The following ITGA4 variants were observed in gnomAD, a reference collection of about 807,000 sequenced individuals.
ITGA4 encodes the protein integrin subunit alpha 4.
A neutral mutation model predicts 133.6 loss-of-function variants in ITGA4; 63 were observed. The observed-to-expected ratio is 0.47, with a 90% CI of 0.38 to 0.58. The LOEUF (loss-of-function observed/expected upper bound fraction) is 0.58. Among genes scored for constraint, ITGA4 ranks in the 20% least tolerant of loss-of-function variants. ITGA4 has a pLI of 0.00. For synonymous variants in ITGA4, 483 were observed against 438.0 expected (o/e 1.10, Z -1.28); for missense variants, 1,076 against 1,252.7 (o/e 0.86, Z 2.13).
In ITGA4 at chr2:181,495,911, A is replaced by G. The variant is rs773047862; in HGVS notation, c.1514A>G (p.Lys505Arg). 1 of 1,613,974 alleles carries G rather than the reference A, an allele frequency of 6.2e-7. No homozygotes were observed. The highest frequency in any genetic ancestry group is 1.1e-5 in the South Asian group (1 of 91,044). ...GATCTAACACTTTGTTTCTCATATAAGGGCAAGGAAGTTCCAGGTTACATT... is the reference window on the plus strand; with the variant it reads ...GATCTAACACTTTGTTTCTCATATAGGGGCAAGGAAGTTCCAGGTTACATT... ...CIDLTLCFSY[K>R]GKEVPGYIVL... is the part of the protein sequence containing the mutation. The change falls in exon 14 of 28, where the codon AAG becomes AGG. Residue 505 changes from lysine (K) to arginine (R), a missense_variant. Coordinates refer to ENST00000397033, the MANE Select transcript of ITGA4 (RefSeq NM_000885.6). The surrounding 1 kb of genome is among the most constrained non-coding windows in gnomAD (Gnocchi z 4.3).
At position 181,499,459 on chromosome 2, in the gene ITGA4, G is replaced by T. The variant is rs549050101; in HGVS notation, c.1695+682G>T. Among the ~76,000 whole-genome samples, 32 of 152,162 alleles carry T rather than the reference G, an allele frequency of 2.1e-4. 1 individual carries two copies. Among genetic ancestry groups the T allele is most frequent in the Admixed American group, 2.0e-3 (30 of 15,274 alleles). On this transcript the variant is annotated intron_variant, in intron 15 of 27. Transcript: ENST00000397033. Reference sequence around the variant, plus strand: ...GCTGTGCCAGGTCTTTTTCATTAGGGAACGGTGTACTTCATCAGAAAATCT... The same window carrying T: ...GCTGTGCCAGGTCTTTTTCATTAGGTAACGGTGTACTTCATCAGAAAATCT...
intron 23 of ITGA4, 146 bp from the exon 24 acceptor site, chr2:181,530,378 A>T (rs979831162): frequency 1.4e-6 from 1 of 704,106 alleles, no homozygotes; most frequent in Non-Finnish European, 2.2e-6. Context: ...ATCACTCCCA[A>T]ATCTGTCAAA....
rs1218487936 is a variant in ITGA4, at chr2:181,481,582, C to G, written c.755-16C>G. On this transcript the variant is annotated splice_polypyrimidine_tract_variant and intron_variant, in intron 6 of 27. Transcript: ENST00000397033. ...ACTTTACCCAGGACTCTCATACTTT[C>G]TCCCTTTTCTTAAAGGATATTCAGT... 2.7e-6 allele frequency: 4 copies of G among 1,496,178 alleles called. No individual in the cohort carries two copies. The highest frequency in any genetic ancestry group is 3.4e-5 in the Admixed American group (2 of 58,544). 92.7% of individuals were successfully genotyped at this position (1,496,178 alleles called of 1,614,324 possible).
intron 22 of ITGA4, 124 bp from the exon 23 acceptor site, chr2:181,529,417 C>T (rs1442882742): frequency 1.3e-5 from 6 of 465,276 alleles, no homozygotes; most frequent in South Asian, 4.2e-5. Context: ...CAGCTGCCAA[C>T]CATAAACCTC....
intron 2 of ITGA4, among the ~76,000 whole-genome samples, chr2:181,462,220 TAA>T (rs1457708910): frequency 1.3e-5 from 2 of 152,164 alleles, no homozygotes; most frequent in African/African-American, 4.8e-5. Flanking sequence ...TTTTCTAGAC[TAA>T]GTGTTCTATA....
chr2:181,531,586 T>C (rs1686946470), intron 24 of ITGA4, 71 bp from the exon 25 acceptor site: 1 of 792,578 alleles, frequency 1.3e-6, no homozygotes, highest in African/African-American at 1.8e-5. Flanking sequence ...TATTAAATTC[T>C]ATATAAAATA....
In ITGA4 at chr2:181,480,246, T is replaced by C; in HGVS notation, c.734T>C (p.Val245Ala). ...GCTTTTTTAGACAAACAAAATCAAG[T>C]AAAATTTGGAAGTTATTTAGGTACT... ...YKAFLDKQNQ[V>A]KFGSYLGYSV... Residue 245 changes from valine to alanine, a missense_variant, in exon 6 of 28, where the codon GTA (valine) becomes GCA (alanine). Transcript: ENST00000397033. 6.8e-7 allele frequency: 1 copy of C among 1,465,166 alleles called. No individual in the cohort carries two copies. Among genetic ancestry groups the C allele is most frequent in the Non-Finnish European group, 9.2e-7 (1 of 1,092,866 alleles). The allele number at this position is 1,465,166 out of a possible 1,614,324, so 90.8% of individuals were successfully genotyped here. A position where few individuals can be genotyped will look rare whatever the true frequency, so the allele number is the denominator to read the frequency against.
chr2:181,526,852 T>TTTTTTTTTTTTTTTTTTTTTTG (rs1686841803), intron 21 of ITGA4, among the ~76,000 whole-genome samples: 1 of 134,268 alleles, frequency 7.4e-6, no homozygotes, highest in South Asian at 2.7e-4. Context: ...TTTTTTTTTT[T>TTTTTTTTTTTTTTTTTTTTTTG]TAAGAGTCTC....
At chr2:181,508,164 G>A (rs558226182) in intron 15 of ITGA4, among the ~76,000 whole-genome samples, 2 of 151,812 alleles carry the variant, frequency 1.3e-5, no homozygotes, top group South Asian at 2.1e-4. Flanking sequence ...TAATAAACTC[G>A]AGCTGTTTCT....
chr2:181,482,040 A>G (rs891012652), intron 7 of ITGA4, among the ~76,000 whole-genome samples: 5 of 152,294 alleles, frequency 3.3e-5, no homozygotes, highest in Non-Finnish European at 5.9e-5. Flanking sequence ...TCCTGGTTTT[A>G]GTTTTTGCTG....
intron 2 of ITGA4, among the ~76,000 whole-genome samples, chr2:181,466,263 TC>T (rs1384463387): frequency 6.6e-6 from 1 of 151,988 alleles, no homozygotes; most frequent in Non-Finnish European, 1.5e-5. Context: ...GACATTTACC[TC>T]TTGAACTCTT....
intron 15 of ITGA4, among the ~76,000 whole-genome samples, chr2:181,507,029 A>G (rs1270286171): frequency 6.6e-6 from 1 of 152,076 alleles, no homozygotes; most frequent in Non-Finnish European, 1.5e-5. Flanking sequence ...TGTTGAATCT[A>G]TTTTTTAAGA....
At chr2:181,493,241 G>A (rs1488959451) in intron 10 of ITGA4, 84 bp from the exon 11 acceptor site, 2 of 809,524 alleles carry the variant, frequency 2.5e-6, no homozygotes, top group Non-Finnish European at 4.1e-6. Flanking sequence ...TATGTGATAT[G>A]AATTAAGGTT....
chr2:181,464,770 A>G (rs759849168), intron 2 of ITGA4, among the ~76,000 whole-genome samples: 1 of 152,106 alleles, frequency 6.6e-6, no homozygotes, highest in Non-Finnish European at 1.5e-5. Context: ...GGTAGTTCAG[A>G]CAGTAACACC....
chr2:181,497,446 A>G (rs1335613236), intron 14 of ITGA4, among the ~76,000 whole-genome samples: 2 of 152,104 alleles, frequency 1.3e-5, no homozygotes, highest in Non-Finnish European at 2.9e-5. Flanking sequence ...TTTTTTTCTG[A>G]ACTCAGGGCA....
intron 4 of ITGA4, chr2:181,475,820 G>A (rs1478597796): frequency 1.2e-6 from 2 of 1,601,140 alleles, no homozygotes; most frequent in Admixed American, 1.7e-5. Context: ...TATGCTATAG[G>A]TAGCATCAGC....
intron 4 of ITGA4, among the ~76,000 whole-genome samples, chr2:181,477,827 C>T (rs1171112196): frequency 6.6e-6 from 1 of 152,096 alleles, no homozygotes; most frequent in Non-Finnish European, 1.5e-5. Context: ...TATGGTCCAG[C>T]AATCCCTCTT....
intron 21 of ITGA4, among the ~76,000 whole-genome samples, chr2:181,526,276 TC>T (rs1221282171): frequency 9.2e-5 from 14 of 152,224 alleles, no homozygotes; most frequent in Non-Finnish European, 2.9e-5. Context: ...TTCCTATTTT[TC>T]TGTTATTCAC....
intron 5 of ITGA4, chr2:181,479,140 CA>C (rs1320968171): frequency 5.4e-6 from 1 of 185,930 alleles, no homozygotes; most frequent in Admixed American, 6.1e-5. Flanking sequence ...TTGAAAATAT[CA>C]ACCCAAGTAT....
Sources: gnomAD v4.1 joint callset for allele counts (sites outside exome capture counted in the v4.1 genomes callset) on GRCh38, gnomAD v4.1.1 for gene constraint, Gnocchi (gnomAD v3.1) non-coding constraint, MANE v1.5 for transcripts, NCBI Gene and HGNC (gene_info 2026-07-23, HGNC 2026-07-21) for gene names.